Variants in TMPRSS13 observed in about 807,000 individuals in gnomAD.
The protein encoded by TMPRSS13 is transmembrane serine protease 13.
A neutral mutation model predicts 68.4 loss-of-function variants in TMPRSS13; 50 were observed. That is an observed-to-expected ratio of 0.73 (90% CI 0.58 to 0.93). The LOEUF (loss-of-function observed/expected upper bound fraction) is 0.93, where lower values mean the gene tolerates loss of function less well. TMPRSS13 is among the 40% of genes least tolerant of loss of function. The pLI is 0.00. For synonymous variants in TMPRSS13, 267 were observed against 285.8 expected (o/e 0.93, Z 0.66); for missense variants, 615 against 729.2 (o/e 0.84, Z 1.80).
intron 1 of TMPRSS13, among the ~76,000 whole-genome samples, chr11:117,925,529 C>G (rs1479260371): frequency 6.6e-6 from 1 of 152,218 alleles, no homozygotes; most frequent in African/African-American, 2.4e-5. Context: ...TGTGCCTTCT[C>G]TTGCTGCCAG....
In TMPRSS13 at chr11:117,909,952, G is replaced by C; in HGVS notation, c.963C>G (p.Ala321=). 5 of 1,614,146 alleles carry C rather than the reference G, an allele frequency of 3.1e-6. No homozygotes were observed. The Admixed American group carries it at 8.3e-5, about 27-fold the overall frequency. Residue 321 remains alanine, a synonymous_variant, in exon 8 of 13, where the codon GCC becomes GCG. Coordinates refer to ENST00000524993, the MANE Select transcript of TMPRSS13 (RefSeq NM_001077263.3). ...CCCCTCCCACGATCCGCCCGGTCAT[G>C]GCCCTCAGTCCGCAGTCTGGAGGGA... ...SLQCSHCGLR[A]MTGRIVGGAL...
chr11:117,910,743 A>G lies in TMPRSS13; in HGVS notation c.910T>C (p.Cys304Arg). ...AGAGAGATATACCGCTGGGAAGGGC[A>G]TTCAGACCTGCAGGGGGAGACACAG... is the stretch of plus-strand genomic sequence containing the variant. ...TIQESLHRSE[C>R]PSQRYISLQC... The change falls in exon 7 of 13, where the codon TGC becomes CGC. Residue 304 changes from cysteine (C) to arginine (R), a missense_variant. Coordinates refer to ENST00000524993, the MANE Select transcript of TMPRSS13 (RefSeq NM_001077263.3). 1 of 1,608,140 alleles carries G rather than the reference A, an allele frequency of 6.2e-7. No individual in the cohort carries two copies. Among genetic ancestry groups the G allele is most frequent in the Non-Finnish European group, 8.5e-7 (1 of 1,176,640 alleles).
chr11:117,917,047 T>C (rs1171376375), intron 3 of TMPRSS13, 123 bp downstream of exon 3: 2 of 814,554 alleles, frequency 2.5e-6, no homozygotes, highest in Non-Finnish European at 3.9e-6. Context: ...TGTCCCTCTC[T>C]GGACACAGTA....
chr11:117,906,535 A>G (rs2057466211), intron 9 of TMPRSS13, among the ~76,000 whole-genome samples: 1 of 152,230 alleles, frequency 6.6e-6, no homozygotes. Flanking sequence ...TTAAGTGCTC[A>G]ATAAATGTTT....
chr11:117,910,430 G>A, intron 7 of TMPRSS13: 1 of 465,932 alleles, frequency 2.1e-6, no homozygotes, highest in South Asian at 3.9e-5. Context: ...CTAAACATAG[G>A]AAGAATACAC....
intron 5 of TMPRSS13, 26 bp downstream of exon 5, chr11:117,913,751 G>A (rs1298878948): frequency 6.2e-7 from 1 of 1,612,362 alleles, no homozygotes; most frequent in Non-Finnish European, 8.5e-7. Flanking sequence ...CTGAAGCCTG[G>A]ACTCTGGGGC....
chr11:117,921,994 A>C (rs1020328974), intron 1 of TMPRSS13, among the ~76,000 whole-genome samples: 18 of 152,218 alleles, frequency 1.2e-4, no homozygotes, highest in African/African-American at 4.3e-4. Flanking sequence ...TCTCATCTTC[A>C]GGGATCATCT....
intron 2 of TMPRSS13, 27 bp downstream of exon 2, chr11:117,918,382 G>A (rs777372444): frequency 1.7e-5 from 28 of 1,606,224 alleles, no homozygotes; most frequent in South Asian, 5.5e-5. Context: ...CCCATCTCTC[G>A]TGGCTTCCCT....
intron 9 of TMPRSS13, among the ~76,000 whole-genome samples, chr11:117,907,026 C>G (rs369926771): frequency 2.0e-5 from 3 of 151,584 alleles, no homozygotes; most frequent in East Asian, 1.9e-4. Context: ...TGGAGGGAGA[C>G]TATTACGTTT....
rs779181798 is a variant in TMPRSS13 at position 117,903,858 on chromosome 11, C to A, written c.1525-51G>T. ...CAGGATGGGACAGGTGGTCCATGAGCGGGAAAGGGTGGGGTCCCAATTCCC... is the reference window on the plus strand; with the variant it reads ...CAGGATGGGACAGGTGGTCCATGAGAGGGAAAGGGTGGGGTCCCAATTCCC... On this transcript the variant is annotated intron_variant, in intron 11 of 12. Transcript: ENST00000524993. 5 of 1,599,180 alleles carry A rather than the reference C, an allele frequency of 3.1e-6. No homozygotes were observed. In the South Asian group the frequency reaches 5.6e-5, roughly 18 times the overall value.
chr11:117,908,490 T>C (rs1336864934), intron 9 of TMPRSS13, 122 bp downstream of exon 9: 2 of 1,063,790 alleles, frequency 1.9e-6, no homozygotes, highest in Non-Finnish European at 2.8e-6. Context: ...TAAGAGTCTT[T>C]GACTTCTGCC....
At chr11:117,926,022 G>A (rs2057702367) in intron 1 of TMPRSS13, among the ~76,000 whole-genome samples, 1 of 151,704 alleles carries the variant, frequency 6.6e-6, no homozygotes, top group Non-Finnish European at 1.5e-5. Context: ...CAGGTACCAG[G>A]GTCCTTGGAG....
At chr11:117,923,065 G>A (rs970924158) in intron 1 of TMPRSS13, among the ~76,000 whole-genome samples, 6 of 152,222 alleles carry the variant, frequency 3.9e-5, no homozygotes, top group African/African-American at 1.4e-4. Flanking sequence ...AGCAGCCCCT[G>A]GCTCTGGGAG....
In TMPRSS13 at chr11:117,917,615, G is replaced by A. The variant is rs189146411; in HGVS notation, c.452-341C>T. 8.5e-4 allele frequency among the ~76,000 whole-genome samples: 129 copies of A among 152,304 alleles called. 1 individual carries two copies. The highest frequency in any genetic ancestry group is 3.0e-3 in the African/African-American group (124 of 41,564). On this transcript the variant is annotated intron_variant, in intron 2 of 12. Coordinates refer to ENST00000524993, the MANE Select transcript of TMPRSS13 (RefSeq NM_001077263.3). ...CCTTTCTATAGATGGGGAAACTGAG[G>A]TTCGTGGAAGTGAAATCACTTGCCC...
In TMPRSS13 at chr11:117,914,625, A is replaced by C. The variant is rs2057557276; in HGVS notation, c.557-111T>G. 2 of 1,535,104 alleles carry C rather than the reference A, an allele frequency of 1.3e-6. No homozygotes were observed. Among genetic ancestry groups the C allele is most frequent in the African/African-American group, 2.7e-5 (2 of 72,964 alleles). ...GACACCGACCTGCAATCCCTCTTGA[A>C]CTCTGGGGCTCTCATCCCCCATCTG... On this transcript the variant is annotated intron_variant, in intron 3 of 12. Coordinates refer to ENST00000524993, the MANE Select transcript of TMPRSS13 (RefSeq NM_001077263.3). This position sits in a 1 kb window ranked among gnomAD's most constrained non-coding sequence, Gnocchi z 4.2.
chr11:117,912,700 C>G (rs2057536107), intron 5 of TMPRSS13, among the ~76,000 whole-genome samples: 1 of 152,212 alleles, frequency 6.6e-6, no homozygotes, highest in African/African-American at 2.4e-5. Flanking sequence ...GCCCTTAGTG[C>G]TTCACCCACA....
Position 117,922,128 on chromosome 11 carries a change from G to C in TMPRSS13, c.22-3290C>G, listed in dbSNP as rs1034161026. Among the ~76,000 whole-genome samples, 2 of 152,164 alleles carry C rather than the reference G, an allele frequency of 1.3e-5. No individual in the cohort carries two copies. The highest frequency in any genetic ancestry group is 4.8e-5 in the African/African-American group (2 of 41,442). ...ACTCATTTCTTTTCCCCAATTCTTGGAGAACAACTGCTGAGACTCTAGCCT... is the reference window on the plus strand; with the variant it reads ...ACTCATTTCTTTTCCCCAATTCTTGCAGAACAACTGCTGAGACTCTAGCCT... On this transcript the variant is annotated intron_variant, in intron 1 of 12. Transcript: ENST00000524993. The surrounding 1 kb of genome is among the most constrained non-coding windows in gnomAD (Gnocchi z 4.2).
At chr11:117,903,624 T>C in intron 12 of TMPRSS13, 31 bp downstream of exon 12, 1 of 1,613,880 alleles carries the variant, frequency 6.2e-7, no homozygotes, top group South Asian at 1.1e-5. Context: ...CCCAGCCTGC[T>C]GGGTGCAGTG....
chr11:117,903,084 T>A (rs2057423873), intron 12 of TMPRSS13: 1 of 1,190,438 alleles, frequency 8.4e-7, no homozygotes, highest in East Asian at 4.6e-5. Context: ...TTTATGATAG[T>A]AGTGAGGTTC....
Sources: gnomAD v4.1 joint callset for allele counts (sites outside exome capture counted in the v4.1 genomes callset) on GRCh38, gnomAD v4.1.1 for gene constraint, Gnocchi (gnomAD v3.1) non-coding constraint, MANE v1.5 for transcripts, NCBI Gene and HGNC (gene_info 2026-07-23, HGNC 2026-07-21) for gene names.